Variants in ACOXL observed in about 807,000 individuals in gnomAD.
The protein encoded by ACOXL is acyl-coenzyme A oxidase-like protein.
Under a neutral mutation model 71.9 loss-of-function variants are expected in ACOXL, and 70 were observed. The ratio of observed to expected loss-of-function variants is 0.97; its 90% CI spans 0.80 to 1.19. The LOEUF (loss-of-function observed/expected upper bound fraction) is 1.19. ACOXL is among the 50% of genes most tolerant of loss of function. The probability of loss-of-function intolerance (pLI) is 0.00; values close to 1 mark genes in which losing one functional copy is unlikely to be tolerated. For synonymous variants in ACOXL, 253 were observed against 281.6 expected (o/e 0.90, Z 1.02); for missense variants, 703 against 736.3 (o/e 0.95, Z 0.52).
intron 10 of ACOXL, among the ~76,000 whole-genome samples, chr2:110,880,153 C>CAAA (rs56852121): frequency 4.5e-4 from 38 of 84,718 alleles, no homozygotes; most frequent in South Asian, 8.9e-4. Context: ...CTGTCACAAA[C>CAAA]AAAAAAAAAA....
At chr2:110,934,546 C>A (rs2060592577) in intron 12 of ACOXL, among the ~76,000 whole-genome samples, 1 of 152,130 alleles carries the variant, frequency 6.6e-6, no homozygotes, top group Non-Finnish European at 1.5e-5. Context: ...GAGAATGGAT[C>A]AAGGGCAAGT....
intron 14 of ACOXL, among the ~76,000 whole-genome samples, chr2:111,015,892 A>G (rs1411768083): frequency 6.6e-6 from 1 of 152,160 alleles, no homozygotes; most frequent in Non-Finnish European, 1.5e-5. Flanking sequence ...GTATAATTCC[A>G]TTTATGTGCC....
intron 7 of ACOXL, among the ~76,000 whole-genome samples, chr2:110,800,129 T>A (rs1451846409): frequency 6.6e-6 from 1 of 152,218 alleles, no homozygotes; most frequent in Non-Finnish European, 1.5e-5. Context: ...GTTCTTTCAC[T>A]CTTCACAATA....
intron 10 of ACOXL, among the ~76,000 whole-genome samples, chr2:110,861,015 G>A (rs1013160868): frequency 6.6e-6 from 1 of 152,186 alleles, no homozygotes; most frequent in East Asian, 1.9e-4. Context: ...TACTCGAGAG[G>A]CTGAGGCATG....
At chr2:110,956,744 A>G (rs542630230) in intron 12 of ACOXL, among the ~76,000 whole-genome samples, 13 of 152,360 alleles carry the variant, frequency 8.5e-5, no homozygotes, top group African/African-American at 2.4e-4. Context: ...CAGAATTTCT[A>G]ATTTGTTCTG....
intron 2 of ACOXL, among the ~76,000 whole-genome samples, chr2:110,773,324 G>A (rs1682200807): frequency 6.6e-6 from 1 of 152,124 alleles, no homozygotes; most frequent in Non-Finnish European, 1.5e-5. Context: ...TGGGAATGCC[G>A]GGGAGGGTGG....
At chr2:111,039,627 T>C (rs1558900009) in intron 15 of ACOXL, among the ~76,000 whole-genome samples, 1 of 152,202 alleles carries the variant, frequency 6.6e-6, no homozygotes, top group African/African-American at 2.4e-5. Flanking sequence ...TATATAACAT[T>C]AGTGTAAGTA....
At chr2:110,915,418 AT>A (rs2059815428) in intron 11 of ACOXL, among the ~76,000 whole-genome samples, 1 of 130,030 alleles carries the variant, frequency 7.7e-6, no homozygotes, top group Non-Finnish European at 1.6e-5. Context: ...ATATATATAT[AT>A]ATATATATAT....
chr2:111,079,317 C>G (rs891016857), intron 16 of ACOXL, among the ~76,000 whole-genome samples: 1 of 152,148 alleles, frequency 6.6e-6, no homozygotes, highest in Non-Finnish European at 1.5e-5. Flanking sequence ...AGTGTATATA[C>G]ATTATTTAGT....
chr2:110,967,501 A>G (rs1446598780), intron 12 of ACOXL, among the ~76,000 whole-genome samples: 3 of 152,256 alleles, frequency 2.0e-5, no homozygotes, highest in Non-Finnish European at 4.4e-5. Context: ...AGGAGGGCAA[A>G]GAGACCTAAA....
intron 13 of ACOXL, among the ~76,000 whole-genome samples, chr2:110,994,641 C>CATG (rs756068166): frequency 1.1e-4 from 16 of 152,054 alleles, no homozygotes; most frequent in Non-Finnish European, 2.2e-4. Flanking sequence ...AATAGAGTTT[C>CATG]ATGATGAAAA....
At chr2:110,906,363 C>G (rs62159556) in intron 10 of ACOXL, among the ~76,000 whole-genome samples, 10 of 151,260 alleles carry the variant, frequency 6.6e-5, no homozygotes, top group Non-Finnish European at 1.5e-4. Flanking sequence ...CATGGTGAAA[C>G]CCCGTCTCTA....
intron 2 of ACOXL, among the ~76,000 whole-genome samples, chr2:110,770,929 A>T (rs1681834109): frequency 6.6e-6 from 1 of 152,206 alleles, no homozygotes; most frequent in African/African-American, 2.4e-5. Context: ...TAGCCTCTGT[A>T]ATCTCGCTCC....
chr2:111,063,072 C>T (rs2066896987), intron 16 of ACOXL, among the ~76,000 whole-genome samples: 3 of 152,142 alleles, frequency 2.0e-5, no homozygotes, highest in African/African-American at 7.2e-5. Flanking sequence ...CGAAAACACA[C>T]AATACCACAG....
chr2:110,785,074 G>T (rs1459691431), intron 3 of ACOXL, among the ~76,000 whole-genome samples: 1 of 152,084 alleles, frequency 6.6e-6, no homozygotes, highest in African/African-American at 2.4e-5. Context: ...TTAGTTTTAT[G>T]AAAACAGTAT....
In ACOXL at chr2:110,876,714, C is replaced by T. The variant is rs374551496; in HGVS notation, c.789-32075C>T. Among the ~76,000 whole-genome samples the T allele has an allele frequency of 3.3e-5, 5 of 152,246 alleles. No homozygotes were observed. In the East Asian group the frequency reaches 7.7e-4, roughly 24 times the overall value. ...GACGAATTTAACACACTGGCACAGA[C>T]GGGTCGGAATCAATGAAATGATTCT... On this transcript the variant is annotated intron_variant, in intron 10 of 17. Transcript: ENST00000439055.
At chr2:110,792,334 A>G (rs577710235) in intron 3 of ACOXL, among the ~76,000 whole-genome samples, 36 of 152,306 alleles carry the variant, frequency 2.4e-4, no homozygotes, top group African/African-American at 6.5e-4. Context: ...CAATGTCCCT[A>G]CATTCAAGTT....
chr2:110,905,824 A>G (rs1038977106), intron 10 of ACOXL, among the ~76,000 whole-genome samples: 6 of 151,962 alleles, frequency 3.9e-5, no homozygotes, highest in Admixed American at 6.6e-5. Flanking sequence ...TCTCGTGAAC[A>G]CTCTTGATTT....
intron 1 of ACOXL, among the ~76,000 whole-genome samples, chr2:110,767,894 G>A (rs558095677): frequency 1.3e-5 from 2 of 150,228 alleles, no homozygotes; most frequent in South Asian, 2.1e-4. Context: ...GGCCAGCCTG[G>A]CCAATATGGC....
Sources: gnomAD v4.1 joint callset for allele counts (sites outside exome capture counted in the v4.1 genomes callset) on GRCh38, gnomAD v4.1.1 for gene constraint, MANE v1.5 for transcripts, NCBI Gene and HGNC (gene_info 2026-07-23, HGNC 2026-07-21) for gene names.